The following ADCY9 variants were observed in gnomAD, a reference collection of about 807,000 sequenced individuals.
ADCY9 encodes the protein adenylate cyclase 9, also known as adenylate cyclase type 9.
A neutral mutation model predicts 101.5 loss-of-function variants in ADCY9; 50 were observed. That is an observed-to-expected ratio of 0.49 (90% CI 0.39 to 0.62). The LOEUF is 0.62. Ranked by LOEUF, ADCY9 falls within the 20% of genes least tolerant of loss-of-function variation. ADCY9 has a pLI of 0.00. For synonymous variants in ADCY9, 905 were observed against 769.3 expected, an observed-to-expected ratio of 1.18 and a Z score of -2.92; for missense variants, 1,662 against 1,800.4, an observed-to-expected ratio of 0.92 and a Z score of 1.39.
chr16:3,967,100 T>A, intron 10 of ADCY9, 134 bp from the exon 11 acceptor site: 1 of 695,784 alleles, frequency 1.4e-6, no homozygotes, highest in Non-Finnish European at 2.4e-6. Context: ...TGCCCATTCC[T>A]GGTTTGGGCT....
chr16:4,091,309 A>G (rs1031012599), intron 2 of ADCY9, among the ~76,000 whole-genome samples: 14 of 152,166 alleles, frequency 9.2e-5, no homozygotes, highest in African/African-American at 3.4e-4. Flanking sequence ...CCTGACCTCA[A>G]GTGATCCTCC....
rs118140883 is a variant in ADCY9 at position 4,111,253 on chromosome 16, C to T, written c.1693+2497G>A. ...CAGAAAAGGGGGTAAGAGGGAAAGG[C>T]TAATACACCCAGTATTGGGGTTTTT... On this transcript the variant is annotated intron_variant, in intron 2 of 10. Coordinates refer to ENST00000294016, the MANE Select transcript of ADCY9 (RefSeq NM_001116.4). 6.4e-3 allele frequency among the ~76,000 whole-genome samples: 971 copies of T among 151,874 alleles called. 6 individuals are homozygous for T. The highest frequency in any genetic ancestry group is 0.01 in the Middle Eastern group (3 of 294).
rs186527865 is a variant in ADCY9, at chr16:3,983,323, C to G, written c.2428G>C (p.Glu810Gln). 1 of 1,579,224 alleles carries G rather than the reference C, an allele frequency of 6.3e-7. No homozygotes were observed. Among genetic ancestry groups the G allele is most frequent in the Admixed American group, 1.8e-5 (1 of 54,650 alleles). ...TLSTTCFLKY[E>Q]AATVPPPPAA... is the part of the protein sequence containing the mutation. ...GGCGGGGGAGGCACGGTGGCCGCCT[C>G]GTACTTCAGGAAGCAGGTGGTGGAC... Residue 810 changes from glutamate (E) to glutamine (Q), a missense_variant, in exon 7 of 11, where the codon GAG becomes CAG. By Grantham distance (29) the Glu-to-Gln change is conservative (BLOSUM62 2). Coordinates refer to ENST00000294016, the MANE Select transcript of ADCY9 (RefSeq NM_001116.4).
chr16:3,960,983 G>C (rs924049373), downstream of ADCY9, among the ~76,000 whole-genome samples: 1 of 146,592 alleles, frequency 6.8e-6, no homozygotes, highest in Non-Finnish European at 1.5e-5. Context: ...ATTCCAGGTG[G>C]CCACAGCCAT....
intron 2 of ADCY9, among the ~76,000 whole-genome samples, chr16:4,026,142 A>G (rs2056513086): frequency 6.6e-6 from 1 of 152,174 alleles, no homozygotes; most frequent in Admixed American, 6.5e-5. Flanking sequence ...ACTAAAGTAG[A>G]GGCTGGGCGC....
intron 2 of ADCY9, 82 bp from the exon 3 acceptor site, chr16:4,007,640 G>C (rs946486221): frequency 1.4e-5 from 17 of 1,199,392 alleles, no homozygotes; most frequent in Non-Finnish European, 1.9e-5. Flanking sequence ...CTCTGGAGAG[G>C]ACTCACTCCT....
intron 2 of ADCY9, among the ~76,000 whole-genome samples, chr16:4,053,244 A>G (rs2056713299): frequency 6.6e-6 from 1 of 152,230 alleles, no homozygotes; most frequent in Non-Finnish European, 1.5e-5. Context: ...TGTAAATCGC[A>G]GTGAAGTGGG....
At position 4,114,894 on chromosome 16, in the gene ADCY9, C is replaced by T. The variant is rs879871809; in HGVS notation, c.549G>A (p.Val183=). 4 of 1,613,836 alleles carry T rather than the reference C, an allele frequency of 2.5e-6. No homozygotes were observed. Among genetic ancestry groups the T allele is most frequent in the Non-Finnish European group, 2.5e-6 (3 of 1,180,038 alleles). Residue 183 remains valine (V), a synonymous_variant, in exon 2 of 11, where the codon GTG becomes GTA. Coordinates refer to ENST00000294016, the MANE Select transcript of ADCY9 (RefSeq NM_001116.4). The surrounding 1 kb of genome is among the most constrained non-coding windows in gnomAD (Gnocchi z 4.3). Reference sequence around the variant, plus strand: ...ACTGCGCAGCCAGGGTCAGGGCGAACACCAGCAGGGTGAGAGCCAGCGAGG... The same window carrying T: ...ACTGCGCAGCCAGGGTCAGGGCGAATACCAGCAGGGTGAGAGCCAGCGAGG... The part of the protein sequence containing the change: ...AWTSLALTLL[V]FALTLAAQFQ...
rs879197296 is a variant in ADCY9 at position 4,114,369 on chromosome 16, G to C, written c.1074C>G (p.Val358=). ...KQGDEESENS[V]KRHATSSPKN... is the part of the protein sequence containing the mutation. ...TGGGGCTCGAGGTGGCATGCCTCTT[G>C]ACAGAATTCTCACTCTCCTCATCTC... Residue 358 remains valine (V), a synonymous_variant, in exon 2 of 11, where the codon GTC becomes GTG. Transcript: ENST00000294016. The surrounding 1 kb of genome is among the most constrained non-coding windows in gnomAD (Gnocchi z 4.3). The C allele has an allele frequency of 1.2e-6, 2 of 1,614,006 alleles. No individual in the cohort carries two copies. The highest frequency in any genetic ancestry group is 1.7e-6 in the Non-Finnish European group (2 of 1,180,034).
At chr16:4,030,669 C>T (rs1232298533) in intron 2 of ADCY9, among the ~76,000 whole-genome samples, 2 of 151,686 alleles carry the variant, frequency 1.3e-5, no homozygotes, top group Non-Finnish European at 2.9e-5. Flanking sequence ...TGGCATCGCG[C>T]TCCAGCCTGG....
At chr16:4,056,984 G>A (rs2056742570) in intron 2 of ADCY9, among the ~76,000 whole-genome samples, 1 of 146,880 alleles carries the variant, frequency 6.8e-6, no homozygotes, top group Non-Finnish European at 1.5e-5. Flanking sequence ...GCGAGTCCTA[G>A]CAGAGGTCAG....
chr16:4,057,039 C>CT (rs199632674), intron 2 of ADCY9, among the ~76,000 whole-genome samples: 1 of 2,722 alleles, frequency 3.7e-4, no homozygotes, highest in Non-Finnish European at 9.3e-4. Context: ...GATGAAACCG[C>CT]CCCCCCCCCC....
chr16:3,980,556 C>T (rs2056132620), intron 7 of ADCY9, among the ~76,000 whole-genome samples: 1 of 152,142 alleles, frequency 6.6e-6, no homozygotes, highest in African/African-American at 2.4e-5. Flanking sequence ...GCACAGAGCC[C>T]CCCGCCCCCA....
chr16:3,967,961 G>A (rs1394489906), intron 10 of ADCY9, among the ~76,000 whole-genome samples: 1 of 152,112 alleles, frequency 6.6e-6, no homozygotes, highest in Non-Finnish European at 1.5e-5. Context: ...AAAGTGCTGG[G>A]ATTACAGGTG....
intron 2 of ADCY9, among the ~76,000 whole-genome samples, chr16:4,057,979 T>G (rs1406975093): frequency 2.0e-5 from 3 of 151,822 alleles, no homozygotes; most frequent in Non-Finnish European, 2.9e-5. Context: ...GCCAACATAG[T>G]GAAACCCCAT....
intron 2 of ADCY9, 75 bp downstream of exon 2, chr16:4,113,675 C>T: frequency 2.0e-6 from 3 of 1,518,662 alleles, no homozygotes; most frequent in Non-Finnish European, 2.6e-6. Flanking sequence ...GACACTGAGG[C>T]TGGAAGCTTT....
intron 2 of ADCY9, among the ~76,000 whole-genome samples, chr16:4,045,865 CTTTCTTTTTTTT>C (rs2056659822): frequency 9.0e-6 from 1 of 111,334 alleles, no homozygotes; most frequent in Admixed American, 1.2e-4. Context: ...TGCTTTTTTT[CTTTCTTTTTTTT>C]TTTTTTTTTT....
At chr16:3,977,703 C>T (rs2056105247) in intron 8 of ADCY9, 73 bp from the exon 9 acceptor site, 2 of 1,524,084 alleles carry the variant, frequency 1.3e-6, no homozygotes, top group Admixed American at 2.1e-5. Context: ...GCCGCCAAAA[C>T]ATTCGCCACT....
chr16:3,994,223 C>A (rs1456783114), intron 3 of ADCY9, among the ~76,000 whole-genome samples: 8 of 152,194 alleles, frequency 5.3e-5, no homozygotes, highest in Non-Finnish European at 1.2e-4. Flanking sequence ...ATCTGTGAAG[C>A]AGGAACGGGT....
Sources: gnomAD v4.1 joint callset for allele counts (sites outside exome capture counted in the v4.1 genomes callset) on GRCh38, gnomAD v4.1.1 for gene constraint, Gnocchi (gnomAD v3.1) non-coding constraint, MANE v1.5 for transcripts, NCBI Gene and HGNC (gene_info 2026-07-23, HGNC 2026-07-21) for gene names.